The following SLC25A30 variants were observed in gnomAD, a reference collection of about 807,000 sequenced individuals.
SLC25A30 encodes solute carrier family 25 member 30.
Under a neutral mutation model 42.7 loss-of-function variants are expected in SLC25A30, and 29 were observed. The ratio of observed to expected loss-of-function variants is 0.68; its 90% CI spans 0.51 to 0.93. SLC25A30 has a LOEUF of 0.93. Ranked by LOEUF, SLC25A30 falls within the 40% of genes least tolerant of loss-of-function variation. The probability of loss-of-function intolerance (pLI) is 0.00; values close to 1 mark genes in which losing one functional copy is unlikely to be tolerated. For synonymous variants in SLC25A30, 124 were observed against 131.0 expected (o/e 0.95, Z 0.37); for missense variants, 300 against 359.7 (o/e 0.83, Z 1.34).
intron 3 of SLC25A30, among the ~76,000 whole-genome samples, chr13:45,407,867 C>G (rs770247572): frequency 6.6e-6 from 1 of 152,192 alleles, no homozygotes; most frequent in Non-Finnish European, 1.5e-5. Context: ...TATTAGGTCA[C>G]GTAGTGCTAT....
At chr13:45,411,976 C>T (rs1241492143) in intron 1 of SLC25A30, 3 of 108,262 alleles carry the variant, frequency 2.8e-5, no homozygotes, top group African/African-American at 3.8e-5. Flanking sequence ...ATTTGCTATT[C>T]GTTCACTGCT....
chr13:45,400,018 A>ATATATATG (rs1449034010), intron 7 of SLC25A30, among the ~76,000 whole-genome samples: 2,092 of 107,058 alleles, frequency 0.02, 25 homozygotes, highest in Middle Eastern at 0.08. Flanking sequence ...GTATGATTAT[A>ATATATATG]TATATATATA....
At chr13:45,424,686 G>C in the SLC25A30 span, among the ~76,000 whole-genome samples, 189 of 34,130 alleles carry the variant, frequency 5.5e-3, 23 homozygotes, top group Admixed American at 0.052. Flanking sequence ...GTTATATATA[G>C]ATATATATAA....
the SLC25A30 span, among the ~76,000 whole-genome samples, chr13:45,428,517 C>CTTTTTTTTT: frequency 1.1e-5 from 1 of 92,550 alleles, no homozygotes; most frequent in African/African-American, 4.3e-5. Context: ...TTCTTTTTAA[C>CTTTTTTTTT]TTTTTTTTTT....
At chr13:45,398,106 AC>A in intron 8 of SLC25A30, 1 of 967,370 alleles carries the variant, frequency 1.0e-6, no homozygotes, top group Non-Finnish European at 1.2e-6. Context: ...GAAAACAGGA[AC>A]CACAAAAGTG....
chr13:45,423,713 C>CATATATAAAT, the SLC25A30 span, among the ~76,000 whole-genome samples: 1 of 2,222 alleles, frequency 4.5e-4, no homozygotes, highest in Non-Finnish European at 1.2e-3. Flanking sequence ...AATATATAAA[C>CATATATAAAT]ATATATAAAT....
intron 6 of SLC25A30, 47 bp downstream of exon 6, chr13:45,402,228 G>A: frequency 1.4e-6 from 2 of 1,460,410 alleles, no homozygotes; most frequent in Non-Finnish European, 1.9e-6. Flanking sequence ...ATTCAAAAAA[G>A]GAAAAAAGAA....
chr13:45,395,622 A>AC lies in SLC25A30; in HGVS notation c.*351_*352insG. 8.6e-7 allele frequency: 1 copy of AC among 1,167,490 alleles called. No homozygotes were observed. Among genetic ancestry groups the AC allele is most frequent in the Non-Finnish European group, 1.1e-6 (1 of 933,376 alleles). The allele number at this position is 1,167,490 out of a possible 1,614,324, so 72.3% of individuals were successfully genotyped here. A position where few individuals can be genotyped will look rare whatever the true frequency, so the allele number is the denominator to read the frequency against. ...TTCTAGAGCAGTCTGATTCTCAGTCATGAGCTGAGATGCATCAGGAGCTAC... is the reference window on the plus strand; with the variant it reads ...TTCTAGAGCAGTCTGATTCTCAGTCACTGAGCTGAGATGCATCAGGAGCTAC... On this transcript the variant is annotated 3_prime_UTR_variant, in exon 10 of 10. Coordinates refer to ENST00000519676, the MANE Select transcript of SLC25A30 (RefSeq NM_001010875.4).
chr13:45,396,080 GACTT>G lies in SLC25A30; in HGVS notation c.835-69_835-66del. 1.9e-6 allele frequency: 3 copies of G among 1,613,938 alleles called. No homozygotes were observed. In the African/African-American group the frequency reaches 4.0e-5, roughly 22 times the overall value. On this transcript the variant is annotated intron_variant, in intron 9 of 9. Transcript: ENST00000519676. ...TTCACAACTCCAGTGCATAACAACAGACTTACAAATGGCACACTTAATAACAAAT... is the reference window on the plus strand; with the variant it reads ...TTCACAACTCCAGTGCATAACAACAGACAAATGGCACACTTAATAACAAAT...
chr13:45,395,857 G>A lies in SLC25A30; in HGVS notation c.*117C>T. ...TCAACTAACCCAGTCTTCATCTGTT[G>A]CTCACATCCCAGAATCTGTGATGAG... On this transcript the variant is annotated 3_prime_UTR_variant, in exon 10 of 10. Transcript: ENST00000519676. 1 of 1,601,088 alleles carries A rather than the reference G, an allele frequency of 6.2e-7. No individual in the cohort carries two copies. Among genetic ancestry groups the A allele is most frequent in the Non-Finnish European group, 8.5e-7 (1 of 1,173,718 alleles).
At chr13:45,423,170 T>C (rs561397284), upstream of SLC25A30, among the ~76,000 whole-genome samples, 7 of 152,062 alleles carry the variant, frequency 4.6e-5, no homozygotes, top group African/African-American at 1.7e-4. Flanking sequence ...TCTCTATAAT[T>C]TGAGAGTTGG....
In SLC25A30 at chr13:45,404,334, A is replaced by T. The variant is rs1882292512; in HGVS notation, c.386T>A (p.Val129Asp). 2 of 1,610,442 alleles carry T rather than the reference A, an allele frequency of 1.2e-6. No homozygotes were observed. Among genetic ancestry groups the T allele is most frequent in the African/African-American group, 2.7e-5 (2 of 74,880 alleles). ...ATAGATAGCACAGCTTACTTTCAAA[A>T]CATCAGTTGGATTAGCAATGGTTGA... ...ISSTIANPTD[V>D]LKIRMQAQSN... Residue 129 changes from valine (V) to aspartate (D), a missense_variant, in exon 5 of 10, where the codon GTT becomes GAT. Transcript: ENST00000519676.
chr13:45,399,198 G>T, intron 7 of SLC25A30, 120 bp from the exon 8 acceptor site: 2 of 911,058 alleles, frequency 2.2e-6, no homozygotes, highest in Non-Finnish European at 3.1e-6. Context: ...TGGTTTTCGT[G>T]TTTTGTTTTG....
At chr13:45,429,056 C>CTTTTTTTT in the SLC25A30 span, among the ~76,000 whole-genome samples, 2 of 93,860 alleles carry the variant, frequency 2.1e-5, no homozygotes, top group South Asian at 3.8e-4. Flanking sequence ...TGTGCAAGCT[C>CTTTTTTTT]TTTTTTTTTT....
upstream of SLC25A30, among the ~76,000 whole-genome samples, chr13:45,419,982 A>AGGGAAG (rs1470270573): frequency 1.3e-5 from 2 of 151,612 alleles, no homozygotes; most frequent in Non-Finnish European, 2.9e-5. Context: ...GGGGAGGCGA[A>AGGGAAG]GGGAAGGGGA....
the SLC25A30 span, among the ~76,000 whole-genome samples, chr13:45,425,306 A>G: frequency 1.0e-5 from 1 of 99,276 alleles, no homozygotes; most frequent in Non-Finnish European, 1.7e-5. Context: ...ATACGTATAT[A>G]TAAATATATA....
intron 5 of SLC25A30, among the ~76,000 whole-genome samples, chr13:45,403,779 T>C (rs1393243163): frequency 6.6e-6 from 1 of 151,492 alleles, no homozygotes; most frequent in Non-Finnish European, 1.5e-5. Flanking sequence ...CTACTAAAAA[T>C]ACAAAAATTA....
the SLC25A30 span, among the ~76,000 whole-genome samples, chr13:45,429,200 C>T: frequency 6.6e-6 from 1 of 151,164 alleles, no homozygotes; most frequent in Admixed American, 6.6e-5. Context: ...TCCCTAGGAG[C>T]TGCAACTACA....
the SLC25A30 span, among the ~76,000 whole-genome samples, chr13:45,430,057 T>A: frequency 6.6e-6 from 1 of 151,084 alleles, no homozygotes; most frequent in South Asian, 2.1e-4. Flanking sequence ...TGAAGCTAAA[T>A]TTTTTTTTAA....
Sources: gnomAD v4.1 joint callset for allele counts (sites outside exome capture counted in the v4.1 genomes callset) on GRCh38, gnomAD v4.1.1 for gene constraint, MANE v1.5 for transcripts, NCBI Gene and HGNC (gene_info 2026-07-23, HGNC 2026-07-21) for gene names.